The following ACADVL variants were observed in gnomAD, a reference collection of about 807,000 sequenced individuals.
ACADVL encodes the protein very long-chain acyl-CoA dehydrogenase, mitochondrial.
A neutral mutation model predicts 80.4 loss-of-function variants in ACADVL; 73 were observed. The ratio of observed to expected loss-of-function variants is 0.91; its 90% CI spans 0.75 to 1.10. ACADVL has a LOEUF of 1.10. Ranked by LOEUF, ACADVL falls within the 50% of genes least tolerant of loss-of-function variation. The pLI is 0.00. For missense variants in ACADVL, 878 were observed against 858.9 expected (o/e 1.02, Z -0.28); for synonymous variants, 392 against 326.5 (o/e 1.20, Z -2.16).
At position 7,222,757 on chromosome 17, in the gene ACADVL, G is replaced by A. The variant is rs749734276; in HGVS notation, c.969G>A (p.Leu323=). 8 of 1,614,146 alleles carry A rather than the reference G, an allele frequency of 5.0e-6. No homozygotes were observed. The South Asian group carries it at 8.8e-5, about 18-fold the overall frequency. The stretch of plus-strand genomic sequence containing the variant: ...TACGGGTGCCATCGGAGAACGTGCT[G>A]GGTGAGGTTGGGAGTGGCTTCAAGG... The part of the protein sequence containing the change: ...DGVRVPSENV[L]GEVGSGFKVA... The change falls in exon 10 of 20, where the codon CTG becomes CTA. Residue 323 remains leucine, a synonymous_variant. Transcript: ENST00000356839.
At chr17:7,220,388 G>A (rs1163049503) in intron 2 of ACADVL, 76 bp from the exon 3 acceptor site, 6 of 1,601,922 alleles carry the variant, frequency 3.7e-6, no homozygotes, top group Non-Finnish European at 5.1e-6. Context: ...CCGCCTCCCC[G>A]CGCGGCTCTC....
At chr17:7,221,753 C>G in intron 7 of ACADVL, 71 bp downstream of exon 7, 1 of 1,609,020 alleles carries the variant, frequency 6.2e-7, no homozygotes, top group Non-Finnish European at 8.5e-7. Context: ...CCAGTTGGCA[C>G]TTAGATTATC....
At chr17:7,217,834 T>A (rs1304037135), upstream of ACADVL, 1 of 1,533,710 alleles carries the variant, frequency 6.5e-7, no homozygotes, top group Admixed American at 2.0e-5. Context: ...ATTTCATTTC[T>A]TAGAGAAGGA....
chr17:7,221,541 G>T lies in ACADVL; in HGVS notation c.481G>T (p.Ala161Ser), dbSNP rs375284481. 2.5e-6 allele frequency: 4 copies of T among 1,613,984 alleles called. No homozygotes were observed. In the African/African-American group the frequency reaches 4.0e-5, roughly 16 times the overall value. Reference sequence around the variant, plus strand: ...CAGATTCCTGCTTCCCCTCCAGTACGCCCGTTTGGTGGAGATCGTGGGCAT... The same window carrying T: ...CAGATTCCTGCTTCCCCTCCAGTACTCCCGTTTGGTGGAGATCGTGGGCAT... ...GGVGLCNTQY[A>S]RLVEIVGMHD... The change falls in exon 7 of 20, where the codon GCC becomes TCC. Residue 161 changes from alanine (A) to serine (S), a missense_variant. Transcript: ENST00000356839.
upstream of ACADVL, chr17:7,218,357 C>T: frequency 1.3e-6 from 2 of 1,503,138 alleles, no homozygotes; most frequent in Non-Finnish European, 1.8e-6. Context: ...ATCACCGCTG[C>T]TGGCTGGCTG....
rs80162838 is a variant in ACADVL at position 7,221,437 on chromosome 17, A to C, written c.478-101A>C. 1,195 of 194,258 alleles carry C rather than the reference A, an allele frequency of 6.2e-3. 4 individuals are homozygous for C. The highest frequency in any genetic ancestry group is 0.011 in the East Asian group (64 of 5,578). The allele number at this position is 194,258 out of a possible 1,614,324, so 12.0% of individuals were successfully genotyped here. On this transcript the variant is annotated intron_variant, in intron 6 of 19. Transcript: ENST00000356839. ...AGGTCAGGCACTGCCCTAGGTCAGG[A>C]ACTGCCCTAGGTCAGGAACTGCCCT...
Position 7,223,246 on chromosome 17 carries a change from C to T in ACADVL, c.1182+9C>T. 2.5e-6 allele frequency: 4 copies of T among 1,605,498 alleles called. No homozygotes were observed. The highest frequency in any genetic ancestry group is 1.3e-5 in the African/African-American group (1 of 74,832). ...TGCAGTATGTAACTGAGGTGAGGGC[C>T]TCCCAAGCCCCTCTCCCTGGAGCCC... On this transcript the variant is annotated intron_variant, in intron 11 of 19. Coordinates refer to ENST00000356839, the MANE Select transcript of ACADVL (RefSeq NM_000018.4).
chr17:7,219,717 C>A (rs1048633979), upstream of ACADVL: 1 of 1,412,636 alleles, frequency 7.1e-7, no homozygotes. Context: ...TATCCCATCA[C>A]CCCGTCGGAG....
chr17:7,223,180 C>T lies in ACADVL; in HGVS notation c.1125C>T (p.Asn375=), dbSNP rs1349423150. Residue 375 remains asparagine (N), a synonymous_variant, in exon 11 of 20, where the codon AAC becomes AAT. Coordinates refer to ENST00000356839, the MANE Select transcript of ACADVL (RefSeq NM_000018.4). Reference sequence around the variant, plus strand: ...CCCAGTTTGGGGAGAAAATTCACAACTTTGGGCTGATCCAGGAGAAGCTGG... The same window carrying T: ...CCCAGTTTGGGGAGAAAATTCACAATTTTGGGCTGATCCAGGAGAAGCTGG... The part of the protein sequence containing the change: ...NRTQFGEKIH[N]FGLIQEKLAR... 8.7e-6 allele frequency: 14 copies of T among 1,614,136 alleles called. No individual in the cohort carries two copies. Among genetic ancestry groups the T allele is most frequent in the Non-Finnish European group, 1.2e-5 (14 of 1,180,018 alleles).
At chr17:7,217,961 G>A, upstream of ACADVL, 1 of 813,202 alleles carries the variant, frequency 1.2e-6, no homozygotes, top group Non-Finnish European at 1.9e-6. Context: ...ATCCCTGGGG[G>A]CCTAGTTCTC....
At position 7,220,406 on chromosome 17, in the gene ACADVL, C is replaced by T; in HGVS notation, c.139-58C>T. ...CCTCCCCGCGCGGCTCTCGCCTGTT[C>T]TCCCCTTGACACAGCGGAAGTCCCT... On this transcript the variant is annotated intron_variant, in intron 2 of 19. Coordinates refer to ENST00000356839, the MANE Select transcript of ACADVL (RefSeq NM_000018.4). 4 of 1,609,714 alleles carry T rather than the reference C, an allele frequency of 2.5e-6. No homozygotes were observed. The Admixed American group carries it at 5.0e-5, about 20-fold the overall frequency.
intron 9 of ACADVL, 39 bp from the exon 10 acceptor site, chr17:7,222,628 T>C (rs1301185018): frequency 2.5e-6 from 4 of 1,574,026 alleles, no homozygotes; most frequent in African/African-American, 1.4e-5. Flanking sequence ...TGACAACCTG[T>C]TGAACACACC....
chr17:7,217,547 G>GAGC, upstream of ACADVL: 1 of 815,404 alleles, frequency 1.2e-6, no homozygotes, highest in Non-Finnish European at 1.5e-6. Context: ...AGGGGCCGTG[G>GAGC]CGGGGGAGTG....
In ACADVL at chr17:7,224,654, T is replaced by C; in HGVS notation, c.1691T>C (p.Leu564Pro). ...ACCTACCGGACAGATGAACAGTTTC[T>C]GCTGCAGCGGCTGGCAGACGGGGCC... ...HKKGIVNEQF[L>P]LQRLADGAID... Residue 564 changes from leucine (L) to proline (P), a missense_variant, in exon 18 of 20, where the codon CTG becomes CCG. Leu to Pro is a moderately conservative substitution (Grantham distance 98). Transcript: ENST00000356839. The C allele has an allele frequency of 1.6e-6, 2 of 1,284,224 alleles. No individual in the cohort carries two copies. Among genetic ancestry groups the C allele is most frequent in the Non-Finnish European group, 2.0e-6 (2 of 980,244 alleles). The allele number at this position is 1,284,224 out of a possible 1,614,324, so 79.6% of individuals were successfully genotyped here.
At position 7,222,807 on chromosome 17, in the gene ACADVL, G is replaced by C; in HGVS notation, c.1019G>C (p.Gly340Ala). 1 of 1,613,876 alleles carries C rather than the reference G, an allele frequency of 6.2e-7. No individual in the cohort carries two copies. The highest frequency in any genetic ancestry group is 8.5e-7 in the Non-Finnish European group (1 of 1,180,018). Reference sequence around the variant, plus strand: ...GTTGCCATGCACATCCTCAACAATGGAAGGTTTGGCATGGCTGCGGCCCTG... The same window carrying C: ...GTTGCCATGCACATCCTCAACAATGCAAGGTTTGGCATGGCTGCGGCCCTG... ...FKVAMHILNN[G>A]RFGMAAALAG... The change falls in exon 10 of 20, where the codon GGA (glycine) becomes GCA (alanine). Residue 340 changes from glycine to alanine, a missense_variant. Transcript: ENST00000356839.
chr17:7,219,484 G>A, upstream of ACADVL: 1 of 1,042,186 alleles, frequency 9.6e-7, no homozygotes. Flanking sequence ...TCACACCCTA[G>A]CTTGGGTGCC....
intron 17 of ACADVL, 35 bp from the exon 18 acceptor site, chr17:7,224,606 GC>G: frequency 1.3e-6 from 2 of 1,554,518 alleles, no homozygotes; most frequent in Non-Finnish European, 1.7e-6. Flanking sequence ...TGAGACTAAT[GC>G]CCCCACCCCC....
chr17:7,220,707 G>T (rs769481185), intron 4 of ACADVL, 31 bp downstream of exon 4: 1 of 1,613,812 alleles, frequency 6.2e-7, no homozygotes, highest in Non-Finnish European at 8.5e-7. Context: ...AGCTGGGTGG[G>T]GCCAGGGTGG....
rs398123085 is a variant in ACADVL at position 7,224,674 on chromosome 17, G to A, written c.1711G>A (p.Gly571Arg). The A allele has an allele frequency of 1.8e-5, 28 of 1,555,266 alleles. No homozygotes were observed. The highest frequency in any genetic ancestry group is 2.8e-5 in the African/African-American group (2 of 70,216). ...GTTTCTGCTGCAGCGGCTGGCAGAC[G>A]GGGCCATCGACCTCTATGCCATGGT... ...EQFLLQRLAD[G>R]AIDLYAMVVV... Residue 571 changes from glycine to arginine, a missense_variant, in exon 18 of 20, where the codon GGG (glycine) becomes AGG (arginine). Physicochemically the swap from Gly to Arg is moderately radical, Grantham distance 125. Coordinates refer to ENST00000356839, the MANE Select transcript of ACADVL (RefSeq NM_000018.4).
Sources: allele counts gnomAD v4.1 joint callset, GRCh38; gene constraint gnomAD v4.1.1; transcripts MANE v1.5; gene names NCBI Gene and HGNC (gene_info 2026-07-23, HGNC 2026-07-21).